SLC38A8: variants seen among roughly 807,000 people sequenced by gnomAD.
SLC38A8 encodes amino acid transporter SLC38A8.
In SLC38A8, 65 loss-of-function variants were observed where a neutral mutation model predicts 46.0. That is an observed-to-expected ratio of 1.41 (90% CI 1.16 to 1.74). The LOEUF (loss-of-function observed/expected upper bound fraction) is 1.74. Among genes scored for constraint, SLC38A8 ranks in the 40% most tolerant of loss-of-function variants. The probability of loss-of-function intolerance (pLI) is 0.00; values close to 1 mark genes in which losing one functional copy is unlikely to be tolerated. For missense variants in SLC38A8, 998 were observed against 567.9 expected (o/e 1.76, Z -7.70); for synonymous variants, 447 against 243.7 (o/e 1.83, Z -7.77).
intron 7 of SLC38A8, 102 bp from the exon 8 acceptor site, chr16:84,017,389 T>A: frequency 7.3e-7 from 1 of 1,377,652 alleles, no homozygotes; most frequent in Non-Finnish European, 9.9e-7. Context: ...CCTAAGATTT[T>A]CCTTAGGAGC....
intron 6 of SLC38A8, among the ~76,000 whole-genome samples, chr16:84,025,200 G>A (rs1448288775): frequency 6.6e-6 from 1 of 152,154 alleles, no homozygotes; most frequent in Non-Finnish European, 1.5e-5. Context: ...GTTCTTCCCA[G>A]GCTCCTGGGG....
At chr16:84,011,563 G>C (rs935346720) in intron 10 of SLC38A8, among the ~76,000 whole-genome samples, 4 of 152,210 alleles carry the variant, frequency 2.6e-5, no homozygotes, top group African/African-American at 9.7e-5. Context: ...ACATTATCTG[G>C]GATGGGGTGA....
chr16:84,031,468 C>A (rs1368498240), intron 5 of SLC38A8, among the ~76,000 whole-genome samples: 1 of 152,214 alleles, frequency 6.6e-6, no homozygotes, highest in African/African-American at 2.4e-5. Flanking sequence ...GTACGACATC[C>A]CCGCCCATGC....
At chr16:84,028,574 A>G (rs1224285526) in intron 6 of SLC38A8, among the ~76,000 whole-genome samples, 1 of 151,058 alleles carries the variant, frequency 6.6e-6, no homozygotes, top group Non-Finnish European at 1.5e-5. Flanking sequence ...AAAAAAGAAA[A>G]AAAAAAAAAG....
chr16:84,034,725 G>T (rs1285702719), intron 3 of SLC38A8, among the ~76,000 whole-genome samples: 3 of 152,150 alleles, frequency 2.0e-5, no homozygotes, highest in Non-Finnish European at 4.4e-5. Flanking sequence ...CATCCACGTG[G>T]GAGAGCCGAG....
At chr16:84,018,946 C>G (rs997336179) in intron 7 of SLC38A8, among the ~76,000 whole-genome samples, 6 of 152,018 alleles carry the variant, frequency 3.9e-5, no homozygotes, top group Non-Finnish European at 8.8e-5. Context: ...GCCAGAAGTC[C>G]CGCTTCCAGT....
rs1428476672 is a variant in SLC38A8, at chr16:84,041,982, A to T, written c.176T>A (p.Phe59Tyr). ...FSKAGGVVPA[F>Y]LVELVSLVFL... ...CCGGGGACTTACCAGCTCCACCAGGAAGGCAGGGACCACTCCGCCCGCTTT... is the reference window on the plus strand; with the variant it reads ...CCGGGGACTTACCAGCTCCACCAGGTAGGCAGGGACCACTCCGCCCGCTTT... The change falls in exon 2 of 11, where the codon TTC becomes TAC. Residue 59 changes from phenylalanine (F) to tyrosine (Y), a missense_variant. Transcript: ENST00000299709. 1.3e-6 allele frequency: 2 copies of T among 1,594,362 alleles called. No individual in the cohort carries two copies. Among genetic ancestry groups the T allele is most frequent in the Admixed American group, 1.7e-5 (1 of 57,528 alleles).
intron 1 of SLC38A8, 95 bp from the exon 2 acceptor site, chr16:84,042,254 G>A: frequency 7.5e-7 from 1 of 1,339,998 alleles, no homozygotes; most frequent in Admixed American, 2.5e-5. Context: ...CTCAGTGAGA[G>A]CTCCCTGAGC....
intron 9 of SLC38A8, among the ~76,000 whole-genome samples, chr16:84,013,869 G>A (rs1597248681): frequency 6.6e-6 from 1 of 152,154 alleles, no homozygotes; most frequent in South Asian, 2.1e-4. Flanking sequence ...CGCTACAACT[G>A]GCCACCTGGT....
chr16:84,042,866 C>T (rs1010749771), upstream of SLC38A8, among the ~76,000 whole-genome samples: 5 of 144,440 alleles, frequency 3.5e-5, no homozygotes, highest in African/African-American at 7.8e-5. Flanking sequence ...CCTGCAGGCC[C>T]GGCCCCGGGG....
At position 84,016,750 on chromosome 16, in the gene SLC38A8, A is replaced by T. The variant is rs1418642450; in HGVS notation, c.954-23T>A. The T allele has an allele frequency of 8.7e-6, 14 of 1,601,810 alleles. No individual in the cohort carries two copies. In the Admixed American group the frequency reaches 1.0e-4, roughly 12 times the overall value. ...GACCTGGAGGCCACAGCCAACACAG[A>T]CACATGGGCATCTCAGGGGCACCAG... is the stretch of plus-strand genomic sequence containing the variant. On this transcript the variant is annotated intron_variant, in intron 8 of 10. Transcript: ENST00000299709.
rs1441864688 is a variant in SLC38A8, at chr16:84,042,092, G to A, written c.66C>T (p.Ala22=). 10 of 1,614,046 alleles carry A rather than the reference G, an allele frequency of 6.2e-6. No individual in the cohort carries two copies. In the South Asian group the frequency reaches 6.6e-5, roughly 11 times the overall value. The part of the protein sequence containing the change: ...PEKPHPATAA[A]TLSSMGAVFI... The stretch of plus-strand genomic sequence containing the variant: ...AGACAGCGCCCATCGAGGACAGAGT[G>A]GCAGCAGCCGTGGCAGGGTGAGGCT... The change falls in exon 2 of 11, where the codon GCC becomes GCT. Residue 22 remains alanine (A), a synonymous_variant. Transcript: ENST00000299709.
chr16:84,017,710 G>A (rs981447251), intron 7 of SLC38A8, among the ~76,000 whole-genome samples: 2 of 152,170 alleles, frequency 1.3e-5, no homozygotes, highest in African/African-American at 2.4e-5. Context: ...CCAATACCTA[G>A]AATCACACAG....
intron 10 of SLC38A8, among the ~76,000 whole-genome samples, chr16:84,011,694 G>T (rs1264470894): frequency 6.6e-6 from 1 of 152,154 alleles, no homozygotes; most frequent in Admixed American, 6.5e-5. Context: ...TAGATTTAGG[G>T]TGGACCCTAA....
chr16:84,017,179 G>A lies in SLC38A8; in HGVS notation c.914C>T (p.Ser305Phe), dbSNP rs749065878. The A allele has an allele frequency of 4.3e-6, 7 of 1,613,992 alleles. No individual in the cohort carries two copies. In the African/African-American group the frequency reaches 5.3e-5, roughly 12 times the overall value. The change falls in exon 8 of 11, where the codon TCC becomes TTC. Residue 305 changes from serine to phenylalanine, a missense_variant. Ser to Phe is a radical substitution (Grantham distance 155). Transcript: ENST00000299709. ...CACGATGGGGTAGACAGTTACGATGGAGACAGCAAAAAGGACCCGGGCCAC... is the reference window on the plus strand; with the variant it reads ...CACGATGGGGTAGACAGTTACGATGAAGACAGCAAAAAGGACCCGGGCCAC... ...IIVARVLFAV[S>F]IVTVYPIVLF...
intron 6 of SLC38A8, among the ~76,000 whole-genome samples, chr16:84,026,369 G>A (rs1362730593): frequency 6.6e-6 from 1 of 152,200 alleles, no homozygotes; most frequent in Non-Finnish European, 1.5e-5. Context: ...TGGGATTACA[G>A]GCCCGCACCG....
chr16:84,039,176 G>C lies in SLC38A8; in HGVS notation c.190-2276C>G, dbSNP rs74969882. ...CCACCAGGAGCTCGAAGAGCCTTTG[G>C]AGGGAGCGAAGCCCTGCTGACACCT... On this transcript the variant is annotated intron_variant, in intron 2 of 10. Coordinates refer to ENST00000299709, the MANE Select transcript of SLC38A8 (RefSeq NM_001080442.3). 7.1e-4 allele frequency among the ~76,000 whole-genome samples: 108 copies of C among 152,270 alleles called. No individual in the cohort carries two copies. The East Asian group carries it at 0.011, about 16-fold the overall frequency.
intron 7 of SLC38A8, among the ~76,000 whole-genome samples, chr16:84,019,781 T>G (rs1349941381): frequency 6.6e-6 from 1 of 152,142 alleles, no homozygotes; most frequent in Non-Finnish European, 1.5e-5. Flanking sequence ...AAAGAAACAT[T>G]CTCATCCCAG....
In SLC38A8 at chr16:84,022,797, G is replaced by A. The variant is rs1390656550; in HGVS notation, c.783C>T (p.Cys261=). 4 of 1,614,114 alleles carry A rather than the reference G, an allele frequency of 2.5e-6. No homozygotes were observed. In the African/African-American group the frequency reaches 4.0e-5, roughly 16 times the overall value. Residue 261 remains cysteine (C), a synonymous_variant, in exon 7 of 11, where the codon TGC becomes TGT. Coordinates refer to ENST00000299709, the MANE Select transcript of SLC38A8 (RefSeq NM_001080442.3). The part of the protein sequence containing the change: ...ALVSVLSLLA[C]CLIYSLTGVY... ...TACCCGTCAGTGAATAGATGAGGCA[G>A]CAGGCCAGCAAGGACAGCACAGACA...
Sources: gnomAD v4.1 joint callset for allele counts (sites outside exome capture counted in the v4.1 genomes callset) on GRCh38, gnomAD v4.1.1 for gene constraint, MANE v1.5 for transcripts, NCBI Gene and HGNC (gene_info 2026-07-23, HGNC 2026-07-21) for gene names.